MEGF8: variants seen among roughly 807,000 people sequenced by gnomAD.
The protein encoded by MEGF8 is multiple EGF like domains 8.
MEGF8 carries 156 observed loss-of-function variants against 302.9 expected under a neutral mutation model. The ratio of observed to expected loss-of-function variants is 0.52; its 90% CI spans 0.45 to 0.59. The LOEUF is 0.59. Among genes scored for constraint, MEGF8 ranks in the 20% least tolerant of loss-of-function variants. MEGF8 has a pLI of 0.00. For missense variants in MEGF8, 3,345 were observed against 3,964.5 expected (o/e 0.84, Z 4.20); for synonymous variants, 1,621 against 1,660.5 (o/e 0.98, Z 0.58).
intron 12 of MEGF8, among the ~76,000 whole-genome samples, chr19:42,346,101 T>C (rs1206042): frequency 0.084 from 12,733 of 152,184 alleles, 678 homozygotes; most frequent in Middle Eastern, 0.17. Context: ...GGGGTTTCAC[T>C]GTGTTAGCCA....
chr19:42,370,148 G>T, intron 38 of MEGF8, 41 bp from the exon 39 acceptor site: 1 of 1,569,300 alleles, frequency 6.4e-7, no homozygotes, highest in South Asian at 1.2e-5. Context: ...TACCCCTGAT[G>T]ACTCTCCAGC....
chr19:42,369,545 G>GC lies in MEGF8; in HGVS notation c.6658dup (p.Arg2220ProfsTer41). ...TGCCCCTGCAGCATGACAGGGCTGT[G>GC]CCGCCCTGTGTGCGCCCAGGGCTGC... is the stretch of plus-strand genomic sequence containing the variant. On this transcript the variant is annotated frameshift_variant, in exon 38 of 42. Coordinates refer to ENST00000251268, the MANE Select transcript of MEGF8 (RefSeq NM_001271938.2). LOFTEE classifies it high-confidence loss of function. The surrounding 1 kb of genome is among the most constrained non-coding windows in gnomAD (Gnocchi z 5.7). 6.2e-7 allele frequency: 1 copy of GC among 1,608,880 alleles called. No individual in the cohort carries two copies. The highest frequency in any genetic ancestry group is 1.1e-5 in the South Asian group (1 of 90,976).
At chr19:42,327,166 G>A (rs1359839683) in intron 1 of MEGF8, among the ~76,000 whole-genome samples, 1 of 152,222 alleles carries the variant, frequency 6.6e-6, no homozygotes, top group Admixed American at 6.5e-5. Flanking sequence ...TATAGTAACT[G>A]TTCAATAAAT....
In MEGF8 at chr19:42,353,230, G is replaced by C; in HGVS notation, c.3550+103G>C. On this transcript the variant is annotated intron_variant, in intron 20 of 41. Coordinates refer to ENST00000251268, the MANE Select transcript of MEGF8 (RefSeq NM_001271938.2). This position sits in a 1 kb window ranked among gnomAD's most constrained non-coding sequence, Gnocchi z 6.1. ...GGAGGGGGCCTCAGTGTCCTCTCAT[G>C]CAGCTCTAGGTCCCCTGCCCCATTC... 8.7e-7 allele frequency: 1 copy of C among 1,145,634 alleles called. No homozygotes were observed. Among genetic ancestry groups the C allele is most frequent in the Non-Finnish European group, 1.2e-6 (1 of 824,020 alleles). 71.0% of individuals were successfully genotyped at this position (1,145,634 alleles called of 1,614,324 possible).
At chr19:42,373,680 G>A (rs973302903) in intron 41 of MEGF8, among the ~76,000 whole-genome samples, 1 of 148,640 alleles carries the variant, frequency 6.7e-6, no homozygotes, top group Non-Finnish European at 1.5e-5. Context: ...CTAGGCGTGA[G>A]CCACCGTGCC....
chr19:42,367,415 C>CAA, intron 35 of MEGF8, among the ~76,000 whole-genome samples: 1 of 151,852 alleles, frequency 6.6e-6, no homozygotes, highest in Non-Finnish European at 1.5e-5. Flanking sequence ...CAGCCTCCTG[C>CAA]GTAGCTGGGA....
chr19:42,364,281 G>T (rs941044063), intron 35 of MEGF8, among the ~76,000 whole-genome samples: 1 of 152,072 alleles, frequency 6.6e-6, no homozygotes, highest in African/African-American at 2.4e-5. Flanking sequence ...GCAGACAAAG[G>T]CATTCGCACC....
chr19:42,333,771 T>C lies in MEGF8; in HGVS notation c.351+3T>C, dbSNP rs113968021. ...CCATCGAAGCTTCCTCAGGCAAGGT[T>C]AGTGGGGATGGGGCCGTGGCAGATA... On this transcript the variant is annotated splice_donor_region_variant and intron_variant, in intron 2 of 41. Transcript: ENST00000251268. 17 of 1,613,448 alleles carry C rather than the reference T, an allele frequency of 1.1e-5. No individual in the cohort carries two copies. Among genetic ancestry groups the C allele is most frequent in the African/African-American group, 8.0e-5 (6 of 74,956 alleles).
intron 41 of MEGF8, among the ~76,000 whole-genome samples, chr19:42,371,896 C>CAT (rs1020781798): frequency 2.0e-4 from 31 of 152,030 alleles, no homozygotes; most frequent in African/African-American, 7.5e-4. Flanking sequence ...CAGCCTGGGC[C>CAT]ATATAGTGCA....
intron 34 of MEGF8, 134 bp downstream of exon 34, chr19:42,362,731 G>A: frequency 9.3e-7 from 1 of 1,074,400 alleles, no homozygotes; most frequent in Non-Finnish European, 1.4e-6. Context: ...CTGGGTCTGA[G>A]GGAGAAGGGG....
chr19:42,330,151 C>T (rs753408135), intron 1 of MEGF8, among the ~76,000 whole-genome samples: 1 of 152,104 alleles, frequency 6.6e-6, no homozygotes, highest in Non-Finnish European at 1.5e-5. Flanking sequence ...CTATGTTGGC[C>T]AGGCTGGTCT....
rs776666559 is a variant in MEGF8, at chr19:42,358,794, G to A, written c.5183G>A (p.Arg1728His). ...CGCCCCCACTGTCACTAGCGAGATC[G>A]TATGAGGAATGTGCGTGGCTCATCT... ...LAPSQGAKRD[R>H]MRNVRGSSRG... Residue 1728 changes from arginine to histidine, a missense_variant, in exon 30 of 42, where the codon CGT becomes CAT. Transcript: ENST00000251268. The surrounding 1 kb of genome is among the most constrained non-coding windows in gnomAD (Gnocchi z 4.4). 24 of 1,557,186 alleles carry A rather than the reference G, an allele frequency of 1.5e-5. No individual in the cohort carries two copies. The highest frequency in any genetic ancestry group is 2.3e-5 in the East Asian group (1 of 44,224).
Position 42,362,209 on chromosome 19 carries a change from G to A in MEGF8, c.5840G>A (p.Gly1947Glu). Residue 1947 changes from glycine to glutamate, a missense_variant, in exon 33 of 42, where the codon GGA becomes GAA. Gly to Glu is a moderately conservative substitution (Grantham distance 98). Transcript: ENST00000251268. The stretch of plus-strand genomic sequence containing the variant: ...CCTCGGACCCTGCAACCTGGAGATG[G>A]AGAGGTGAGTGGTGGGGAAGGCAGG... Reference protein sequence around the residue: ...RHPRTLQPGDGEASTPRCKWC... With the variant: ...RHPRTLQPGDEEASTPRCKWC... 1 of 1,610,920 alleles carries A rather than the reference G, an allele frequency of 6.2e-7. No homozygotes were observed. The highest frequency in any genetic ancestry group is 8.5e-7 in the Non-Finnish European group (1 of 1,179,316).
In MEGF8 at chr19:42,355,833, G is replaced by A; in HGVS notation, c.4220G>A (p.Cys1407Tyr). 6.4e-7 allele frequency: 1 copy of A among 1,570,352 alleles called. No homozygotes were observed. The highest frequency in any genetic ancestry group is 8.6e-7 in the Non-Finnish European group (1 of 1,157,532). The stretch of plus-strand genomic sequence containing the variant: ...AATGCTTCGGTGGGCTCTGCCCGCT[G>A]TGGGTCAGGGGGCCCCGGGAGCTGT... ...GFNASVGSAR[C>Y]GSGGPGSCPV... is the part of the protein sequence containing the mutation. The change falls in exon 24 of 42, where the codon TGT (cysteine) becomes TAT (tyrosine). Residue 1407 changes from cysteine to tyrosine, a missense_variant. Transcript: ENST00000251268.
chr19:42,356,692 C>A lies in MEGF8; in HGVS notation c.4623-82C>A. The A allele has an allele frequency of 7.2e-7, 1 of 1,383,866 alleles. No individual in the cohort carries two copies. The highest frequency in any genetic ancestry group is 1.4e-5 in the African/African-American group (1 of 69,594). 85.7% of individuals were successfully genotyped at this position (1,383,866 alleles called of 1,614,324 possible). A position where few individuals can be genotyped will look rare whatever the true frequency, so the allele number is the denominator to read the frequency against. On this transcript the variant is annotated intron_variant, in intron 26 of 41. Transcript: ENST00000251268. This position sits in a 1 kb window ranked among gnomAD's most constrained non-coding sequence, Gnocchi z 5.2. Reference sequence around the variant, plus strand: ...CATAGGAAGGTCACCCCAGGGGATGCGGGGACATCTGTCAGGCAGGGTCAC... The same window carrying A: ...CATAGGAAGGTCACCCCAGGGGATGAGGGGACATCTGTCAGGCAGGGTCAC...
At chr19:42,364,410 A>G (rs550748288) in intron 35 of MEGF8, among the ~76,000 whole-genome samples, 7 of 152,252 alleles carry the variant, frequency 4.6e-5, no homozygotes, top group East Asian at 1.9e-4. Flanking sequence ...GCAAGACCCA[A>G]TTGAGGCAAA....
chr19:42,348,914 T>C (rs1270174992), intron 13 of MEGF8, among the ~76,000 whole-genome samples: 3 of 152,160 alleles, frequency 2.0e-5, no homozygotes, highest in Non-Finnish European at 4.4e-5. Context: ...AATGGATCTT[T>C]CGTAGAGGAG....
chr19:42,350,155 CCTT>C lies in MEGF8; in HGVS notation c.2515_2517del (p.Phe839del), dbSNP rs2039347745. 3 of 1,611,290 alleles carry C rather than the reference CCTT, an allele frequency of 1.9e-6. No individual in the cohort carries two copies. The highest frequency in any genetic ancestry group is 2.5e-6 in the Non-Finnish European group (3 of 1,177,994). Reference sequence around the variant, plus strand: ...CTGTGACCCCTTCCCCAGGAGATCTCCTTCTTCTTCCTGGAGCCCTACCGCTCG... The same window carrying C: ...CTGTGACCCCTTCCCCAGGAGATCTCCTTCTTCCTGGAGCCCTACCGCTCG... On this transcript the variant is annotated inframe_deletion, in exon 15 of 42. Transcript: ENST00000251268.
chr19:42,331,069 G>C (rs1019345170), intron 1 of MEGF8, among the ~76,000 whole-genome samples: 24 of 152,206 alleles, frequency 1.6e-4, no homozygotes, highest in African/African-American at 5.8e-4. Flanking sequence ...GTCAGGGGAA[G>C]AAGGAGGTTG....
Sources: allele counts gnomAD v4.1 joint callset (sites outside exome capture counted in the v4.1 genomes callset), GRCh38; gene constraint gnomAD v4.1.1; non-coding constraint Gnocchi (gnomAD v3.1); transcripts MANE v1.5; gene names NCBI Gene and HGNC (gene_info 2026-07-23, HGNC 2026-07-21).